The following NUFIP2 variants were observed in gnomAD, a reference collection of about 807,000 sequenced individuals.
The protein encoded by NUFIP2 is nuclear FMR1 interacting protein 2, also known as FMR1-interacting protein NUFIP2.
A neutral mutation model predicts 56.9 loss-of-function variants in NUFIP2; 6 were observed. The ratio of observed to expected loss-of-function variants is 0.11; its 90% CI spans 0.06 to 0.21. The LOEUF is 0.21. NUFIP2 is among the 10% of genes least tolerant of loss of function. The pLI, the probability that NUFIP2 is intolerant of heterozygous loss-of-function variation, is 1.00. For missense variants in NUFIP2, 828 were observed against 826.8 expected, an observed-to-expected ratio of 1.00 and a Z score of -0.02; for synonymous variants, 321 against 298.2, an observed-to-expected ratio of 1.08 and a Z score of -0.79.
intron 2 of NUFIP2, among the ~76,000 whole-genome samples, chr17:29,285,723 C>T (rs1053806381): frequency 6.6e-6 from 1 of 152,026 alleles, no homozygotes; most frequent in African/African-American, 2.4e-5. Flanking sequence ...TAAGCAAGTT[C>T]TCCTCACTTC....
At chr17:29,278,731 G>C (rs2069123355) in intron 2 of NUFIP2, among the ~76,000 whole-genome samples, 1 of 152,032 alleles carries the variant, frequency 6.6e-6, no homozygotes, top group South Asian at 2.1e-4. Flanking sequence ...TCACACTCAG[G>C]ACTTAAGCTA....
In NUFIP2 at chr17:29,257,393, G is replaced by A. The variant is rs2068977097; in HGVS notation, c.*7146C>T. On this transcript the variant is annotated 3_prime_UTR_variant, in exon 4 of 4. Transcript: ENST00000225388. ...TCTACTTAGATCTAACCTTTTCACG[G>A]AGCTTCGGCAAAATTCGAGTGTGCA... is the stretch of plus-strand genomic sequence containing the variant. The A allele has an allele frequency of 6.6e-6, 1 of 152,136 alleles. No homozygotes were observed. The highest frequency in any genetic ancestry group is 6.5e-5 in the Admixed American group (1 of 15,272). 9.4% of individuals were successfully genotyped at this position (152,136 alleles called of 1,614,324 possible). A position where few individuals can be genotyped will look rare whatever the true frequency, so the allele number is the denominator to read the frequency against.
chr17:29,272,329 C>T (rs1321703741), intron 2 of NUFIP2, among the ~76,000 whole-genome samples: 1 of 151,306 alleles, frequency 6.6e-6, no homozygotes, highest in East Asian at 2.0e-4. Flanking sequence ...CAAGCTCTGC[C>T]TCCAGGGTTC....
intron 2 of NUFIP2, among the ~76,000 whole-genome samples, chr17:29,274,809 T>G (rs770914539): frequency 4.6e-5 from 7 of 151,754 alleles, no homozygotes; most frequent in Admixed American, 6.6e-5. Flanking sequence ...GAGAGTCCAA[T>G]AAATGTTAAG....
chr17:29,284,213 C>A (rs940966185), intron 2 of NUFIP2, among the ~76,000 whole-genome samples: 7 of 152,122 alleles, frequency 4.6e-5, no homozygotes, highest in African/African-American at 9.7e-5. Flanking sequence ...TGTGTACATG[C>A]ATGCATGGAG....
chr17:29,282,757 T>G (rs2069148110), intron 2 of NUFIP2, among the ~76,000 whole-genome samples: 1 of 152,090 alleles, frequency 6.6e-6, no homozygotes, highest in Non-Finnish European at 1.5e-5. Flanking sequence ...ACTTAGAGAT[T>G]ACTACTGAAC....
chr17:29,269,686 G>A (rs1168150093), intron 2 of NUFIP2, among the ~76,000 whole-genome samples: 1 of 151,830 alleles, frequency 6.6e-6, no homozygotes, highest in Non-Finnish European at 1.5e-5. Flanking sequence ...TTGCTATGTT[G>A]CTCAGGCTGG....
At chr17:29,265,080 TG>T (rs1242126983) in intron 3 of NUFIP2, among the ~76,000 whole-genome samples, 2 of 152,118 alleles carry the variant, frequency 1.3e-5, no homozygotes, top group Non-Finnish European at 2.9e-5. Context: ...TTAGCAAAAC[TG>T]CCAATTCAGT....
intron 2 of NUFIP2, among the ~76,000 whole-genome samples, chr17:29,276,828 A>G (rs2069111139): frequency 6.6e-6 from 1 of 152,224 alleles, no homozygotes. Context: ...AAACAGTATT[A>G]GGCAGACCCA....
intron 3 of NUFIP2, among the ~76,000 whole-genome samples, chr17:29,266,428 T>C (rs1197654056): frequency 2.0e-5 from 3 of 151,992 alleles, no homozygotes; most frequent in Non-Finnish European, 4.4e-5. Context: ...ACTTTCCTAA[T>C]ATGTAAAATA....
At chr17:29,284,970 A>G (rs936399138) in intron 2 of NUFIP2, among the ~76,000 whole-genome samples, 2 of 152,104 alleles carry the variant, frequency 1.3e-5, no homozygotes, top group African/African-American at 4.8e-5. Context: ...AATTAGAACT[A>G]TTAAATGAGC....
At chr17:29,293,716 G>T in intron 1 of NUFIP2, 67 bp downstream of exon 1, 1 of 1,407,638 alleles carries the variant, frequency 7.1e-7, no homozygotes, top group Non-Finnish European at 9.5e-7. Flanking sequence ...TTCGGATCCA[G>T]CCCCACCCCC....
intron 2 of NUFIP2, among the ~76,000 whole-genome samples, chr17:29,284,521 C>A (rs570494742): frequency 1.3e-5 from 2 of 151,718 alleles, no homozygotes; most frequent in African/African-American, 2.4e-5. Flanking sequence ...GCCTGGCCAA[C>A]ACGGTGAAAC....
chr17:29,265,295 ATTTTATTTTAT>A (rs1159781208), intron 3 of NUFIP2, among the ~76,000 whole-genome samples: 3 of 127,096 alleles, frequency 2.4e-5, no homozygotes, highest in Non-Finnish European at 4.9e-5. Flanking sequence ...TTATTTTTTT[ATTTTATTTTAT>A]TTTTTTTTTT....
intron 3 of NUFIP2, among the ~76,000 whole-genome samples, chr17:29,266,158 GT>G (rs2069035021): frequency 6.6e-6 from 1 of 152,096 alleles, no homozygotes. Context: ...TAGAAATGGG[GT>G]TTCACCATGT....
Position 29,286,675 on chromosome 17 carries a change from G to A in NUFIP2, c.1319C>T (p.Ala440Val). The A allele has an allele frequency of 1.2e-6, 2 of 1,614,158 alleles. No individual in the cohort carries two copies. Among genetic ancestry groups the A allele is most frequent in the Non-Finnish European group, 1.7e-6 (2 of 1,180,014 alleles). The change falls in exon 2 of 4, where the codon GCT becomes GTT. Residue 440 changes from alanine (A) to valine (V), a missense_variant. By Grantham distance (64) the Ala-to-Val change is moderately conservative. Transcript: ENST00000225388. ...AGAAGAGATGGGTGTTAGAGTATTAGCAGCAGTAGTTAGCAGTGGCTGACC... is the reference window on the plus strand; with the variant it reads ...AGAAGAGATGGGTGTTAGAGTATTAACAGCAGTAGTTAGCAGTGGCTGACC... ...PGGQPLLTTAANTLTPISSGT... is the reference protein window; with the variant it reads ...PGGQPLLTTAVNTLTPISSGT...
intron 2 of NUFIP2, among the ~76,000 whole-genome samples, chr17:29,282,265 C>T (rs114818765): frequency 0.012 from 1,839 of 151,982 alleles, 38 homozygotes; most frequent in African/African-American, 0.041. Flanking sequence ...GTCAAATAAA[C>T]ACCTTTCTTT....
intron 1 of NUFIP2, among the ~76,000 whole-genome samples, chr17:29,291,772 A>G (rs1443768183): frequency 6.6e-6 from 1 of 152,256 alleles, no homozygotes; most frequent in Non-Finnish European, 1.5e-5. Context: ...CTAGTTATAT[A>G]GTCCCTAACA....
rs1048433890 is a variant in NUFIP2 at position 29,261,357 on chromosome 17, T to C, written c.*3182A>G. The C allele has an allele frequency of 6.6e-6, 1 of 151,998 alleles. No individual in the cohort carries two copies. Among genetic ancestry groups the C allele is most frequent in the Non-Finnish European group, 1.5e-5 (1 of 67,944 alleles). The allele number at this position is 151,998 out of a possible 1,614,324, so 9.4% of individuals were successfully genotyped here. ...AATACTAATGTCTTATACACATTCA[T>C]TTACTAATTTTTAATATCTCCATCT... On this transcript the variant is annotated 3_prime_UTR_variant, in exon 4 of 4. Coordinates refer to ENST00000225388, the MANE Select transcript of NUFIP2 (RefSeq NM_020772.3).
Sources: allele counts gnomAD v4.1 joint callset (sites outside exome capture counted in the v4.1 genomes callset), GRCh38; gene constraint gnomAD v4.1.1; transcripts MANE v1.5; gene names NCBI Gene and HGNC (gene_info 2026-07-23, HGNC 2026-07-21).